Variants in LRRTM4 observed in about 807,000 individuals in gnomAD.
LRRTM4 encodes leucine rich repeat transmembrane neuronal 4.
Under a neutral mutation model 47.6 loss-of-function variants are expected in LRRTM4, and 25 were observed. The ratio of observed to expected loss-of-function variants is 0.53; its 90% CI spans 0.38 to 0.73. LRRTM4 has a LOEUF of 0.73. Among genes scored for constraint, LRRTM4 ranks in the 30% least tolerant of loss-of-function variants. The pLI is 0.00. For synonymous variants in LRRTM4, 311 were observed against 269.5 expected, an observed-to-expected ratio of 1.15 and a Z score of -1.51; for missense variants, 638 against 713.4, an observed-to-expected ratio of 0.89 and a Z score of 1.20.
chr2:77,257,561 A>G (rs1028409769), intron 3 of LRRTM4, among the ~76,000 whole-genome samples: 13 of 152,156 alleles, frequency 8.5e-5, no homozygotes, highest in Non-Finnish European at 1.9e-4. Flanking sequence ...ATGGAAAGTC[A>G]TGATATTCAC....
At chr2:77,078,975 C>G (rs1680438583) in intron 3 of LRRTM4, among the ~76,000 whole-genome samples, 1 of 152,120 alleles carries the variant, frequency 6.6e-6, no homozygotes. Flanking sequence ...AGAATGGGCT[C>G]CCTTGAGCCT....
intron 3 of LRRTM4, among the ~76,000 whole-genome samples, chr2:77,065,518 AC>A (rs1345706800): frequency 1.3e-5 from 2 of 152,198 alleles, no homozygotes; most frequent in African/African-American, 4.8e-5. Context: ...GCAAATAAAT[AC>A]CACTATTACT....
At chr2:76,781,315 A>T (rs984051236) in intron 3 of LRRTM4, among the ~76,000 whole-genome samples, 3 of 146,340 alleles carry the variant, frequency 2.1e-5, no homozygotes, top group South Asian at 2.2e-4. Flanking sequence ...TGTTTACCTA[A>T]TCAAGCCTGT....
At chr2:76,970,981 G>A (rs1381825221) in intron 3 of LRRTM4, among the ~76,000 whole-genome samples, 2 of 151,934 alleles carry the variant, frequency 1.3e-5, no homozygotes, top group Non-Finnish European at 2.9e-5. Context: ...TCTACTCAAA[G>A]TATCTCCAGA....
chr2:77,084,147 T>C (rs1412355207), intron 3 of LRRTM4, among the ~76,000 whole-genome samples: 3 of 152,088 alleles, frequency 2.0e-5, no homozygotes, highest in African/African-American at 7.2e-5. Context: ...GTAACTAAGG[T>C]CTCACCGATA....
intron 3 of LRRTM4, among the ~76,000 whole-genome samples, chr2:77,399,687 T>C (rs1289473711): frequency 6.6e-6 from 1 of 151,914 alleles, no homozygotes; most frequent in Non-Finnish European, 1.5e-5. Flanking sequence ...GCTATCTTCA[T>C]ACAAATCAGG....
intron 3 of LRRTM4, among the ~76,000 whole-genome samples, chr2:77,106,500 A>G (rs1022593001): frequency 1.3e-5 from 2 of 152,132 alleles, no homozygotes; most frequent in African/African-American, 4.8e-5. Context: ...TGGCTGATAT[A>G]TCTTTGAGGG....
chr2:77,347,464 T>G (rs1671603910), intron 3 of LRRTM4, among the ~76,000 whole-genome samples: 1 of 152,256 alleles, frequency 6.6e-6, no homozygotes, highest in Non-Finnish European at 1.5e-5. Context: ...ACATTGTGTA[T>G]AATATTATTA....
In LRRTM4 at chr2:77,043,908, A is replaced by C. The variant is rs146276160; in HGVS notation, c.1552-294992T>G. Among the ~76,000 whole-genome samples the C allele has an allele frequency of 2.1e-3, 315 of 148,656 alleles. 1 individual carries two copies. The highest frequency in any genetic ancestry group is 7.5e-3 in the African/African-American group (301 of 40,016). On this transcript the variant is annotated intron_variant, in intron 3 of 3. Coordinates refer to ENST00000409884, the MANE Select transcript of LRRTM4 (RefSeq NM_001134745.3). ...TTTTTGCAGCCCATAAACAGGTAAA[A>C]ACATTTTTTTTTTTACCCACATACT...
chr2:76,797,909 G>T (rs914227184), intron 3 of LRRTM4, among the ~76,000 whole-genome samples: 2 of 151,310 alleles, frequency 1.3e-5, no homozygotes, highest in Admixed American at 6.6e-5. Flanking sequence ...TCAACAAGAA[G>T]AGCTAACTAT....
chr2:77,325,490 T>G (rs1670727842), intron 3 of LRRTM4, among the ~76,000 whole-genome samples: 1 of 152,062 alleles, frequency 6.6e-6, no homozygotes, highest in African/African-American at 2.4e-5. Context: ...TTAGAGTGTA[T>G]TGATATCATA....
At chr2:76,781,039 C>A (rs1466962221) in intron 3 of LRRTM4, among the ~76,000 whole-genome samples, 1 of 152,278 alleles carries the variant, frequency 6.6e-6, no homozygotes, top group South Asian at 2.1e-4. Flanking sequence ...TCAGTGTGCC[C>A]GTGCTTGGGG....
intron 3 of LRRTM4, among the ~76,000 whole-genome samples, chr2:77,080,268 A>G (rs758481157): frequency 9.9e-5 from 15 of 152,004 alleles, no homozygotes; most frequent in South Asian, 4.1e-4. Flanking sequence ...GTTGTTTTCA[A>G]TCTCCTTTTT....
intron 3 of LRRTM4, among the ~76,000 whole-genome samples, chr2:77,211,426 G>T (rs762174557): frequency 4.6e-5 from 7 of 152,170 alleles, no homozygotes; most frequent in African/African-American, 7.2e-5. Flanking sequence ...GGAAGCCGCT[G>T]GGTGAGAGAA....
chr2:77,038,106 T>C (rs192746928), intron 3 of LRRTM4, among the ~76,000 whole-genome samples: 132 of 151,766 alleles, frequency 8.7e-4, no homozygotes, highest in Non-Finnish European at 1.6e-3. Context: ...TAAATATTTA[T>C]TGATGAATAT....
At chr2:77,182,485 G>A (rs1214200261) in intron 3 of LRRTM4, among the ~76,000 whole-genome samples, 5 of 151,918 alleles carry the variant, frequency 3.3e-5, no homozygotes, top group Admixed American at 1.3e-4. Flanking sequence ...AAACCACCAC[G>A]GCACACATAT....
chr2:77,298,955 TTAAGA>T (rs1677047808), intron 3 of LRRTM4, among the ~76,000 whole-genome samples: 1 of 152,074 alleles, frequency 6.6e-6, no homozygotes, highest in Non-Finnish European at 1.5e-5. Context: ...TGAGAAACAC[TTAAGA>T]TAATTTTTAG....
chr2:76,751,684 C>T (rs1242189421), intron 3 of LRRTM4, among the ~76,000 whole-genome samples: 2 of 152,056 alleles, frequency 1.3e-5, no homozygotes, highest in Admixed American at 6.6e-5. Flanking sequence ...TGTTTGCCAG[C>T]GGGACCTATT....
At chr2:77,517,975 G>A (rs1679281282) in intron 3 of LRRTM4, 1 of 1,028,288 alleles carries the variant, frequency 9.7e-7, no homozygotes, top group African/African-American at 1.7e-5. Flanking sequence ...CAAACACCAA[G>A]AACCAGACAG....
Sources: allele counts gnomAD v4.1 joint callset (sites outside exome capture counted in the v4.1 genomes callset), GRCh38; gene constraint gnomAD v4.1.1; transcripts MANE v1.5; gene names NCBI Gene and HGNC (gene_info 2026-07-23, HGNC 2026-07-21).